CAST: variants seen among roughly 807,000 people sequenced by gnomAD.
CAST encodes MIR583 host.
In CAST, 76 loss-of-function variants were observed where a neutral mutation model predicts 119.6. The observed-to-expected ratio is 0.64, with a 90% CI of 0.53 to 0.77. The LOEUF is 0.77. CAST is among the 30% of genes least tolerant of loss of function. CAST has a pLI of 0.00. For synonymous variants in CAST, 319 were observed against 331.6 expected (o/e 0.96, Z 0.41); for missense variants, 953 against 946.5 (o/e 1.01, Z -0.09).
At chr5:96,109,878 A>C in the CAST span, among the ~76,000 whole-genome samples, 1 of 152,178 alleles carries the variant, frequency 6.6e-6, no homozygotes, top group Admixed American at 6.6e-5. Flanking sequence ...AACCACATAA[A>C]ACTGTGTTTC....
At chr5:96,526,615 G>A (rs574500728), upstream of CAST, among the ~76,000 whole-genome samples, 6 of 152,228 alleles carry the variant, frequency 3.9e-5, no homozygotes, top group South Asian at 6.2e-4. Context: ...GGCATATTTG[G>A]GGGTAACATG....
chr5:96,747,140 A>G (rs1763939573), intron 17 of CAST, among the ~76,000 whole-genome samples: 1 of 152,144 alleles, frequency 6.6e-6, no homozygotes, highest in Non-Finnish European at 1.5e-5. Context: ...GTAAATGTGC[A>G]TTCTGCTTGG....
the CAST span, among the ~76,000 whole-genome samples, chr5:96,326,326 A>C: frequency 2.0e-5 from 3 of 152,218 alleles, no homozygotes; most frequent in African/African-American, 7.2e-5. Flanking sequence ...AAGCCTCATT[A>C]GTCTAATGTC....
At chr5:96,373,570 C>T in the CAST span, among the ~76,000 whole-genome samples, 2 of 152,152 alleles carry the variant, frequency 1.3e-5, no homozygotes, top group Non-Finnish European at 2.9e-5. Context: ...GGATGCATTG[C>T]AGCCCTGTGG....
the CAST span, among the ~76,000 whole-genome samples, chr5:96,230,180 T>G: frequency 6.6e-6 from 1 of 152,098 alleles, no homozygotes; most frequent in South Asian, 2.1e-4. Context: ...AGACTTAGGG[T>G]TTCTGACTTC....
chr5:96,392,486 T>C, the CAST span: 1 of 155,750 alleles, frequency 6.4e-6, no homozygotes, highest in Admixed American at 6.3e-5. Flanking sequence ...CACTTTGGAA[T>C]AGAAAGATCT....
chr5:96,188,678 C>T, the CAST span, among the ~76,000 whole-genome samples: 3,890 of 152,128 alleles, frequency 0.026, 178 homozygotes, highest in African/African-American at 0.09. Context: ...TCACATTTTA[C>T]ATTTTATTCT....
the CAST span, among the ~76,000 whole-genome samples, chr5:96,357,863 GTC>G: frequency 1.3e-5 from 2 of 152,172 alleles, no homozygotes; most frequent in African/African-American, 4.8e-5. Flanking sequence ...TTAGATAGGA[GTC>G]TCTCTTTTGC....
At chr5:96,199,787 C>T in the CAST span, among the ~76,000 whole-genome samples, 1 of 152,178 alleles carries the variant, frequency 6.6e-6, no homozygotes, top group African/African-American at 2.4e-5. Context: ...TCACTAACTC[C>T]ACCTACAGCA....
intron 16 of CAST, among the ~76,000 whole-genome samples, chr5:96,745,307 A>T (rs144861367): frequency 6.6e-6 from 1 of 152,256 alleles, no homozygotes; most frequent in African/African-American, 2.4e-5. Flanking sequence ...TGCCTGGTCC[A>T]TTAAAAGTGC....
chr5:96,219,391 C>T, the CAST span, among the ~76,000 whole-genome samples: 1 of 152,172 alleles, frequency 6.6e-6, no homozygotes, highest in Non-Finnish European at 1.5e-5. Context: ...GTGGCTGTCA[C>T]AAACCTATGA....
the CAST span, among the ~76,000 whole-genome samples, chr5:96,484,535 A>G: frequency 6.6e-6 from 1 of 152,166 alleles, no homozygotes; most frequent in Non-Finnish European, 1.5e-5. Context: ...GATATTAATT[A>G]ATTATAAGCC....
intron 1 of CAST, among the ~76,000 whole-genome samples, chr5:96,673,967 G>T (rs1045717133): frequency 2.0e-5 from 3 of 152,174 alleles, no homozygotes; most frequent in Non-Finnish European, 4.4e-5. Flanking sequence ...TGTTTCTTCT[G>T]GGTAAGAATT....
the CAST span, among the ~76,000 whole-genome samples, chr5:96,104,693 G>A: frequency 6.7e-6 from 1 of 149,504 alleles, no homozygotes; most frequent in African/African-American, 2.5e-5. Context: ...TGTTCTTTTG[G>A]TTTAGGATTG....
At chr5:96,005,483 A>G in the CAST span, among the ~76,000 whole-genome samples, 1 of 152,222 alleles carries the variant, frequency 6.6e-6, no homozygotes, top group African/African-American at 2.4e-5. Context: ...AATTCAGGAT[A>G]TATATACATT....
the CAST span, among the ~76,000 whole-genome samples, chr5:96,089,780 T>C: frequency 3.3e-5 from 5 of 152,252 alleles, no homozygotes. Context: ...TATGCTTTTT[T>C]ATAAAGCTTA....
At chr5:96,434,486 G>C in the CAST span, among the ~76,000 whole-genome samples, 1 of 152,196 alleles carries the variant, frequency 6.6e-6, no homozygotes, top group Admixed American at 6.5e-5. Flanking sequence ...GCAGGGGGGA[G>C]TGTGGTTAGG....
the CAST span, among the ~76,000 whole-genome samples, chr5:96,477,938 A>G: frequency 2.6e-5 from 4 of 152,206 alleles, no homozygotes; most frequent in Admixed American, 2.0e-4. Flanking sequence ...GCCATTAAAA[A>G]ACACATGCTA....
At chr5:96,479,585 G>A in the CAST span, among the ~76,000 whole-genome samples, 1 of 152,020 alleles carries the variant, frequency 6.6e-6, no homozygotes, top group Non-Finnish European at 1.5e-5. Flanking sequence ...CAGTAGCTGG[G>A]AGTATAGGCA....
Sources: gnomAD v4.1 joint callset for allele counts (sites outside exome capture counted in the v4.1 genomes callset) on GRCh38, gnomAD v4.1.1 for gene constraint, MANE v1.5 for transcripts, NCBI Gene and HGNC (gene_info 2026-07-23, HGNC 2026-07-21) for gene names.